Variants in PEX1 observed in about 807,000 individuals in gnomAD.
PEX1 encodes peroxisomal biogenesis factor 1.
A neutral mutation model predicts 152.5 loss-of-function variants in PEX1; 97 were observed. The ratio of observed to expected loss-of-function variants is 0.64; its 90% confidence interval spans 0.54 to 0.75. The LOEUF is 0.75. Ranked by LOEUF, PEX1 falls within the 30% of genes least tolerant of loss-of-function variation. PEX1 has a pLI of 0.00. For missense variants in PEX1, 1,357 were observed against 1,516.3 expected, an observed-to-expected ratio of 0.89 and a Z score of 1.74; for synonymous variants, 485 against 531.6, an observed-to-expected ratio of 0.91 and a Z score of 1.21.
At chr7:92,509,203 A>T (rs1250134866) in intron 9 of PEX1, 126 bp downstream of exon 9, 4 of 697,534 alleles carry the variant, frequency 5.7e-6, no homozygotes, top group Non-Finnish European at 1.0e-5. Context: ...TTGAAAAAAT[A>T]TCTACTGATG....
At position 92,487,374 on chromosome 7, in the gene PEX1, CAT is replaced by C; in HGVS notation, c.*81_*82del. 1 of 737,010 alleles carries C rather than the reference CAT, an allele frequency of 1.4e-6. No homozygotes were observed. The highest frequency in any genetic ancestry group is 2.4e-6 in the Non-Finnish European group (1 of 421,438). 45.7% of individuals were successfully genotyped at this position (737,010 alleles called of 1,614,324 possible). Reference sequence around the variant, plus strand: ...AAATTTGTTAAATTAAGAAGAAATTCATAGACACCATTTTTTTCCTGTTACAA... The same window carrying C: ...AAATTTGTTAAATTAAGAAGAAATTCAGACACCATTTTTTTCCTGTTACAA... On this transcript the variant is annotated 3_prime_UTR_variant, in exon 24 of 24. Coordinates refer to ENST00000248633, the MANE Select transcript of PEX1 (RefSeq NM_000466.3).
At position 92,494,570 on chromosome 7, in the gene PEX1, C is replaced by T. The variant is rs535271603; in HGVS notation, c.2843G>A (p.Arg948Gln). ...AACTCCTGTATTATCATGACCCCGC[C>T]GAGGAGCAATGGATTCAAATTCATC... ...FFDEFESIAP[R>Q]RGHDNTGVTD... The change falls in exon 18 of 24, where the codon CGG (arginine) becomes CAG (glutamine). Residue 948 changes from arginine (R) to glutamine (Q), a missense_variant. Transcript: ENST00000248633. 6.6e-5 allele frequency: 106 copies of T among 1,613,928 alleles called. No individual in the cohort carries two copies. The highest frequency in any genetic ancestry group is 8.1e-5 in the Non-Finnish European group (96 of 1,179,866).
rs2116244121 is a variant in PEX1, at chr7:92,517,546, A to G, written c.969T>C (p.Asp323=). 1 of 1,614,084 alleles carries G rather than the reference A, an allele frequency of 6.2e-7. No homozygotes were observed. ...HVFPWDQEYF[D]VEPSFTVTYG... ...ATGTCACAGTAAAGCTGGGCTCTAC[A>G]TCAAAATATTCCTGGTCCCATGGAA... The change falls in exon 5 of 24, where the codon GAT becomes GAC. Residue 323 remains aspartate, a synonymous_variant. Coordinates refer to ENST00000248633, the MANE Select transcript of PEX1 (RefSeq NM_000466.3).
chr7:92,490,407 C>T (rs905305573), intron 21 of PEX1, among the ~76,000 whole-genome samples: 8 of 151,878 alleles, frequency 5.3e-5, no homozygotes, highest in South Asian at 2.1e-4. Flanking sequence ...GGTCAAGGCA[C>T]GCAGATAGCT....
At position 92,504,861 on chromosome 7, in the gene PEX1, A is replaced by C. The variant is rs753569957; in HGVS notation, c.1942T>G (p.Phe648Val). Residue 648 changes from phenylalanine (F) to valine (V), a missense_variant, in exon 12 of 24, where the codon TTC becomes GTC. By Grantham distance (50) the Phe-to-Val change is conservative (BLOSUM62 -1). Coordinates refer to ENST00000248633, the MANE Select transcript of PEX1 (RefSeq NM_000466.3). ...ENIQKTLEVA[F>V]SEAVWMQPSV... is the part of the protein sequence containing the mutation. ...GGCTGCATCCACACTGCCTCTGAGA[A>C]AGCCACCTCTAGGGTTTTTTGTATG... 6.2e-7 allele frequency: 1 copy of C among 1,613,894 alleles called. No individual in the cohort carries two copies. Among genetic ancestry groups the C allele is most frequent in the African/African-American group, 1.3e-5 (1 of 74,912 alleles).
At chr7:92,516,043 G>GAA (rs1490262016) in intron 5 of PEX1, among the ~76,000 whole-genome samples, 39 of 101,106 alleles carry the variant, frequency 3.9e-4, no homozygotes, top group African/African-American at 1.3e-3. Flanking sequence ...GAAGAGAAGA[G>GAA]AAGAGAAGAG....
chr7:92,489,283 T>C lies in PEX1; in HGVS notation c.3767+10A>G. On this transcript the variant is annotated intron_variant, in intron 23 of 23. Transcript: ENST00000248633. ...GTAGCTGTACTTCCAAAACAGAATC[T>C]GTTACTTACAGCTCAGCAAAATTCT... 1 of 1,612,106 alleles carries C rather than the reference T, an allele frequency of 6.2e-7. No homozygotes were observed. The highest frequency in any genetic ancestry group is 1.1e-5 in the South Asian group (1 of 90,964).
chr7:92,487,402 C>G lies in PEX1; in HGVS notation c.*55G>C. On this transcript the variant is annotated 3_prime_UTR_variant, in exon 24 of 24. Coordinates refer to ENST00000248633, the MANE Select transcript of PEX1 (RefSeq NM_000466.3). ...AGACACCATTTTTTTCCTGTTACAA[C>G]ATATGGAAAAGCCATCAAAAAACTT... 1.1e-6 allele frequency: 1 copy of G among 904,676 alleles called. No individual in the cohort carries two copies. The highest frequency in any genetic ancestry group is 1.8e-6 in the Non-Finnish European group (1 of 556,972). 56.0% of individuals were successfully genotyped at this position (904,676 alleles called of 1,614,324 possible).
intron 10 of PEX1, 171 bp from the exon 11 acceptor site, chr7:92,506,515 G>C: frequency 1.6e-6 from 1 of 606,254 alleles, no homozygotes; most frequent in South Asian, 1.9e-5. Context: ...AGATTTACAC[G>C]GATAGCAAAA....
chr7:92,525,105 A>T (rs1404670974), intron 1 of PEX1, among the ~76,000 whole-genome samples: 1 of 152,244 alleles, frequency 6.6e-6, no homozygotes, highest in Non-Finnish European at 1.5e-5. Context: ...AGTTATATTG[A>T]GCAAACTCTG....
rs752475812 is a variant in PEX1, at chr7:92,491,406, A to G, written c.3304T>C (p.Cys1102Arg). The change falls in exon 21 of 24, where the codon TGT (cysteine) becomes CGT (arginine). Residue 1102 changes from cysteine (C) to arginine (R), a missense_variant. By Grantham distance (180) the Cys-to-Arg change is radical. Coordinates refer to ENST00000248633, the MANE Select transcript of PEX1 (RefSeq NM_000466.3). Reference protein sequence around the residue: ...GSDDSAGDGECGLDQSLVSLE... With the variant: ...GSDDSAGDGERGLDQSLVSLE... The stretch of plus-strand genomic sequence containing the variant: ...GAAACAAGGGACTGATCTAAGCCAC[A>G]TTCTCCATCTCCAGCTGAATCGTCA... 9 of 1,613,614 alleles carry G rather than the reference A, an allele frequency of 5.6e-6. No homozygotes were observed. The East Asian group carries it at 1.1e-4, about 20-fold the overall frequency.
Position 92,528,237 on chromosome 7 carries a change from C to A in PEX1, c.129+70G>T, listed in dbSNP as rs1793385887. On this transcript the variant is annotated intron_variant, in intron 1 of 23. Transcript: ENST00000248633. ...CCGGGTGGCAGCCGGTGTCCCGCCG[C>A]GTCCCTGAGAGGCTTCGGCCTCGTC... 2.6e-6 allele frequency: 4 copies of A among 1,535,364 alleles called. No homozygotes were observed. The Admixed American group carries it at 7.9e-5, about 30-fold the overall frequency.
intron 19 of PEX1, chr7:92,493,341 A>G (rs756958488): frequency 5.8e-6 from 2 of 346,050 alleles, no homozygotes; most frequent in Non-Finnish European, 1.0e-5. Context: ...AATGAAAATC[A>G]AACACTCTTA....
Position 92,518,145 on chromosome 7 carries a change from T to C in PEX1, c.468A>G (p.Gln156=), listed in dbSNP as rs149729088. ...AAATATTACAATAGCACCTACCAAT[T>C]TGGATAAATATGTACGTTTGTTGAT... The part of the protein sequence containing the change: ...WVDQQTYIFI[Q]IVALIPAASY... Residue 156 remains glutamine (Q), a synonymous_variant, in exon 4 of 24, where the codon CAA becomes CAG. Transcript: ENST00000248633. 5.0e-4 allele frequency: 799 copies of C among 1,611,002 alleles called. 4 individuals are homozygous for C. The African/African-American group carries it at 9.3e-3, about 19-fold the overall frequency.
At chr7:92,511,153 T>TC (rs929038451) in intron 7 of PEX1, 106 bp from the exon 8 acceptor site, 18 of 612,984 alleles carry the variant, frequency 2.9e-5, no homozygotes, top group Non-Finnish European at 4.6e-5. Context: ...TTTTTTTTTT[T>TC]CCCCCCAACA....
chr7:92,512,682 G>T (rs1011251447), intron 6 of PEX1, among the ~76,000 whole-genome samples: 2 of 151,972 alleles, frequency 1.3e-5, no homozygotes, highest in Non-Finnish European at 2.9e-5. Context: ...TAGAGATGGG[G>T]TTTCACCATG....
intron 8 of PEX1, among the ~76,000 whole-genome samples, chr7:92,510,017 G>A (rs1055969833): frequency 2.6e-5 from 4 of 151,988 alleles, no homozygotes; most frequent in Admixed American, 6.6e-5. Context: ...GGTGGCATGC[G>A]CCTGTAATCC....
intron 15 of PEX1, among the ~76,000 whole-genome samples, chr7:92,500,485 C>T (rs192759780): frequency 2.4e-4 from 37 of 152,330 alleles, no homozygotes; most frequent in Non-Finnish European, 3.7e-4. Flanking sequence ...CATATAGTCT[C>T]CATGTACTGC....
chr7:92,528,210 G>A, intron 1 of PEX1, 97 bp downstream of exon 1: 2 of 1,500,486 alleles, frequency 1.3e-6, no homozygotes, highest in African/African-American at 1.4e-5. Flanking sequence ...CTTCGGCGGC[G>A]CCCGGGTGGC....
Sources: gnomAD v4.1 joint callset for allele counts (sites outside exome capture counted in the v4.1 genomes callset) on GRCh38, gnomAD v4.1.1 for gene constraint, MANE v1.5 for transcripts, NCBI Gene and HGNC (gene_info 2026-07-23, HGNC 2026-07-21) for gene names.